Variants in DMD observed in about 807,000 individuals in gnomAD.
DMD encodes the protein mutant dystrophin.
Under a neutral mutation model 330.1 loss-of-function variants are expected in DMD, and 63 were observed. The observed-to-expected ratio is 0.19, with a 90% CI of 0.16 to 0.24. DMD has a LOEUF of 0.24. Among genes scored for constraint, DMD ranks in the 10% least tolerant of loss-of-function variants. The probability of loss-of-function intolerance (pLI) is 1.00; values close to 1 mark genes in which losing one functional copy is unlikely to be tolerated. For synonymous variants in DMD, 1,223 were observed against 959.8 expected (o/e 1.27, Z -5.07); for missense variants, 3,344 against 2,684.1 (o/e 1.25, Z -5.43).
In DMD at chrX:31,206,663, G is replaced by A. The variant is rs104894797; in HGVS notation, c.9568C>T (p.Arg3190Ter). The A allele has an allele frequency of 8.3e-7, 1 of 1,205,106 alleles. No individual in the cohort carries two copies. Among genetic ancestry groups the A allele is most frequent in the Admixed American group, 2.2e-5 (1 of 45,944 alleles). ...GACAGGACACGGATCCTCCCTGTTC[G>A]TCCCCTATTATGAAGAATCAAAGCA... ...NWLLNVYDTG[R>*]TGRIRVLSFK... The change falls in exon 66 of 79, where the codon CGA becomes TGA. Residue 3190 changes from arginine (R) to a stop codon, truncating the protein, a stop_gained. Transcript: ENST00000357033. LOFTEE classifies it high-confidence loss of function.
At chrX:32,420,144 G>A (rs971662876) in intron 29 of DMD, among the ~76,000 whole-genome samples, 2 of 111,554 alleles carry the variant, frequency 1.8e-5, no homozygotes, top group Non-Finnish European at 3.8e-5. Flanking sequence ...AAATTTTTCC[G>A]GCCCAATGGC....
intron 44 of DMD, among the ~76,000 whole-genome samples, chrX:32,107,252 T>TAATA (rs2096568138): frequency 9.1e-6 from 1 of 109,296 alleles, no homozygotes; most frequent in Admixed American, 9.8e-5. Flanking sequence ...TCTAAGGCAG[T>TAATA]AGAAAGAGTA....
chrX:32,732,499 G>T (rs1458100215), intron 7 of DMD, among the ~76,000 whole-genome samples: 2 of 110,980 alleles, frequency 1.8e-5, no homozygotes, highest in Admixed American at 1.9e-4. Context: ...AAAGTGTTAA[G>T]GGCAGCCAGA....
At chrX:32,240,703 A>T (rs1368073695) in intron 43 of DMD, among the ~76,000 whole-genome samples, 1 of 111,394 alleles carries the variant, frequency 9.0e-6, no homozygotes, top group East Asian at 2.8e-4. Flanking sequence ...TGTTGACTTT[A>T]ACTTAATCCT....
rs753793752 is a variant in DMD, at chrX:32,007,568, T to A, written c.6439-39054A>T. ...ATTGCCAAGTGCATACGAAATTTGG[T>A]TTAGCATCTATTGGTCTCCCAGAGA... On this transcript the variant is annotated intron_variant, in intron 44 of 78. Coordinates refer to ENST00000357033, the MANE Select transcript of DMD (RefSeq NM_004006.3). 3.6e-5 allele frequency among the ~76,000 whole-genome samples: 4 copies of A among 111,042 alleles called. No homozygotes were observed. In the East Asian group the frequency reaches 1.1e-3, roughly 32 times the overall value.
At chrX:32,411,404 C>A (rs760418624) in intron 30 of DMD, among the ~76,000 whole-genome samples, 1 of 111,538 alleles carries the variant, frequency 9.0e-6, no homozygotes, top group African/African-American at 3.3e-5. Flanking sequence ...GCTGGGATTA[C>A]AGGTGTGAGC....
At chrX:33,165,063 T>G (rs2048985517) in intron 1 of DMD, among the ~76,000 whole-genome samples, 1 of 110,186 alleles carries the variant, frequency 9.1e-6, no homozygotes, top group Non-Finnish European at 1.9e-5. Flanking sequence ...GGGACTTGAG[T>G]TTAGGAATTT....
intron 48 of DMD, among the ~76,000 whole-genome samples, chrX:31,862,988 T>C (rs755522994): frequency 7.6e-4 from 86 of 112,878 alleles, no homozygotes; most frequent in African/African-American, 2.8e-3. Context: ...CTTTGTCCAG[T>C]CCTCACTTGG....
intron 9 of DMD, among the ~76,000 whole-genome samples, chrX:32,677,260 T>C (rs1056364125): frequency 8.1e-5 from 9 of 111,609 alleles, no homozygotes; most frequent in Non-Finnish European, 1.7e-4. Flanking sequence ...ATTTAATGTA[T>C]TGTAAAAATA....
rs868360566 is a variant in DMD at position 32,844,667 on chromosome X, G to A, written c.264+116C>T. On this transcript the variant is annotated intron_variant, in intron 4 of 78. Transcript: ENST00000357033. ...ACAACATGTGCTCTCAGTAAGAACTGGTCTGATTTACAAGAGAATTTGAAA... is the reference window on the plus strand; with the variant it reads ...ACAACATGTGCTCTCAGTAAGAACTAGTCTGATTTACAAGAGAATTTGAAA... 69 of 612,035 alleles carry A rather than the reference G, an allele frequency of 1.1e-4. No individual in the cohort carries two copies. In the African/African-American group the frequency reaches 1.3e-3, roughly 12 times the overall value. The allele number at this position is 612,035 out of a possible 1,213,427, so 50.4% of individuals were successfully genotyped here. A position where few individuals can be genotyped will look rare whatever the true frequency, so the allele number is the denominator to read the frequency against.
intron 13 of DMD, among the ~76,000 whole-genome samples, chrX:32,581,084 G>C (rs5972602): frequency 0.03 from 3,310 of 111,502 alleles, 117 homozygotes; most frequent in African/African-American, 0.1. Context: ...CCTCGGCCTC[G>C]CAAAGTGCTG....
chrX:32,611,215 T>A (rs192120274), intron 12 of DMD, among the ~76,000 whole-genome samples: 3 of 105,107 alleles, frequency 2.9e-5, no homozygotes, highest in African/African-American at 1.1e-4. Flanking sequence ...AAAAAAAAAA[T>A]CTGTCAAATA....
intron 7 of DMD, among the ~76,000 whole-genome samples, chrX:32,716,757 C>G (rs1173349392): frequency 9.0e-6 from 1 of 110,971 alleles, no homozygotes; most frequent in African/African-American, 3.3e-5. Flanking sequence ...GAGATCCAGG[C>G]TGAGGTGGTC....
intron 54 of DMD, among the ~76,000 whole-genome samples, chrX:31,628,915 C>CATATATATATAT (rs10524146): frequency 0.01 from 836 of 82,682 alleles, 14 homozygotes; most frequent in African/African-American, 0.017. Flanking sequence ...TATTTTTGAT[C>CATATATATATAT]ATATATATAT....
chrX:32,958,841 T>C (rs1045589571), intron 2 of DMD, among the ~76,000 whole-genome samples: 1 of 110,886 alleles, frequency 9.0e-6, no homozygotes, highest in Non-Finnish European at 1.9e-5. Context: ...ACTTACATTA[T>C]TACGATTGCA....
At chrX:32,105,271 C>T (rs1383570058) in intron 44 of DMD, among the ~76,000 whole-genome samples, 1 of 111,630 alleles carries the variant, frequency 9.0e-6, no homozygotes, top group Non-Finnish European at 1.9e-5. Flanking sequence ...GATCTCAGTG[C>T]AGTACTTTTG....
intron 67 of DMD, among the ~76,000 whole-genome samples, chrX:31,201,136 G>A (rs1294184038): frequency 9.5e-6 from 1 of 104,922 alleles, no homozygotes; most frequent in Admixed American, 1.0e-4. Context: ...GACCAGCCTA[G>A]GCAACATGGC....
intron 7 of DMD, among the ~76,000 whole-genome samples, chrX:32,744,364 C>A (rs1176152595): frequency 9.0e-6 from 1 of 110,892 alleles, no homozygotes; most frequent in African/African-American, 3.3e-5. Context: ...TCTGCCACAA[C>A]CTTTTTGGTC....
At chrX:31,774,752 AT>A (rs1368427239) in intron 50 of DMD, among the ~76,000 whole-genome samples, 1 of 111,512 alleles carries the variant, frequency 9.0e-6, no homozygotes, top group Non-Finnish European at 1.9e-5. Context: ...AGTTTATCAT[AT>A]TTTTTTCTTT....
Sources: gnomAD v4.1 joint callset for allele counts (sites outside exome capture counted in the v4.1 genomes callset) on GRCh38, gnomAD v4.1.1 for gene constraint, MANE v1.5 for transcripts, NCBI Gene and HGNC (gene_info 2026-07-23, HGNC 2026-07-21) for gene names.